Variants in ST7 observed in about 807,000 individuals in gnomAD.
The protein encoded by ST7 is suppression of tumorigenicity 7, also known as suppressor of tumorigenicity 7 protein.
A neutral mutation model predicts 78.7 loss-of-function variants in ST7; 28 were observed. The ratio of observed to expected loss-of-function variants is 0.36; its 90% CI spans 0.26 to 0.49. ST7 has a LOEUF of 0.49. Ranked by LOEUF, ST7 falls within the 20% of genes least tolerant of loss-of-function variation. The pLI, the probability that ST7 is intolerant of heterozygous loss-of-function variation, is 0.99. For synonymous variants in ST7, 247 were observed against 249.6 expected, an observed-to-expected ratio of 0.99 and a Z score of 0.10; for missense variants, 418 against 696.0, an observed-to-expected ratio of 0.60 and a Z score of 4.49.
At chr7:117,023,630 G>T (rs1309146591) in intron 1 of ST7, among the ~76,000 whole-genome samples, 1 of 152,124 alleles carries the variant, frequency 6.6e-6, no homozygotes, top group African/African-American at 2.4e-5. Context: ...TCTAAAAATG[G>T]GAGTAGCGTG....
At chr7:117,018,434 C>T (rs567495118) in intron 1 of ST7, among the ~76,000 whole-genome samples, 1 of 152,184 alleles carries the variant, frequency 6.6e-6, no homozygotes, top group East Asian at 1.9e-4. Context: ...TTAATTCCTG[C>T]AATTTTCTGT....
intron 1 of ST7, among the ~76,000 whole-genome samples, chr7:117,078,187 GAGA>G (rs1799494882): frequency 6.6e-6 from 1 of 152,206 alleles, no homozygotes; most frequent in African/African-American, 2.4e-5. Flanking sequence ...GAAGGACAGA[GAGA>G]AGAACTCATA....
intron 15 of ST7, among the ~76,000 whole-genome samples, chr7:117,227,134 T>A (rs1184316588): frequency 6.6e-6 from 1 of 152,144 alleles, no homozygotes; most frequent in African/African-American, 2.4e-5. Flanking sequence ...CCTTGTAACA[T>A]CTCCATTCAT....
intron 1 of ST7, among the ~76,000 whole-genome samples, chr7:117,049,542 A>G (rs968186985): frequency 2.0e-5 from 3 of 152,326 alleles, no homozygotes; most frequent in East Asian, 1.9e-4. Context: ...AAATCATACT[A>G]TAGTCCACAG....
chr7:116,997,853 G>C (rs2116423940), intron 1 of ST7, among the ~76,000 whole-genome samples: 1 of 152,382 alleles, frequency 6.6e-6, no homozygotes, highest in South Asian at 2.1e-4. Flanking sequence ...ACAGAGTGCT[G>C]ATTGGTGTAT....
chr7:117,119,473 T>A, intron 2 of ST7, 88 bp from the exon 3 acceptor site: 3 of 1,226,096 alleles, frequency 2.4e-6, no homozygotes, highest in Non-Finnish European at 3.3e-6. Flanking sequence ...TAAGGTGGAA[T>A]TAGTAAATGT....
chr7:116,966,835 A>G (rs1014873936), intron 1 of ST7, among the ~76,000 whole-genome samples: 10 of 152,310 alleles, frequency 6.6e-5, no homozygotes, highest in Middle Eastern at 3.4e-3. Context: ...GTCCTGGCAC[A>G]TTGCTTTCAC....
At chr7:117,092,159 G>T (rs917063081) in intron 1 of ST7, among the ~76,000 whole-genome samples, 1 of 151,814 alleles carries the variant, frequency 6.6e-6, no homozygotes, top group Middle Eastern at 3.4e-3. Context: ...GGTGCCTGTA[G>T]TCCCAGCTAC....
At chr7:117,102,150 G>A (rs1039701116) in intron 2 of ST7, among the ~76,000 whole-genome samples, 4 of 152,032 alleles carry the variant, frequency 2.6e-5, no homozygotes, top group Admixed American at 6.6e-5. Context: ...ACTTTTTAAC[G>A]TTAAAATTTT....
intron 10 of ST7, among the ~76,000 whole-genome samples, chr7:117,171,613 A>G (rs1807995671): frequency 6.6e-6 from 1 of 151,448 alleles, no homozygotes; most frequent in South Asian, 2.1e-4. Flanking sequence ...ATAAGCCGGC[A>G]CATCCTAGAT....
At chr7:117,064,464 A>G (rs1798526230) in intron 1 of ST7, among the ~76,000 whole-genome samples, 1 of 152,216 alleles carries the variant, frequency 6.6e-6, no homozygotes, top group Non-Finnish European at 1.5e-5. Context: ...TATTACAAAC[A>G]TCCTTCAGAA....
At chr7:117,029,971 G>A (rs1043366976) in intron 1 of ST7, among the ~76,000 whole-genome samples, 1 of 152,000 alleles carries the variant, frequency 6.6e-6, no homozygotes, top group African/African-American at 2.4e-5. Context: ...AGCCCTCCAA[G>A]TCTGTTCTTT....
intron 10 of ST7, among the ~76,000 whole-genome samples, chr7:117,178,257 T>A (rs1467907019): frequency 6.6e-6 from 1 of 152,184 alleles, no homozygotes; most frequent in Non-Finnish European, 1.5e-5. Flanking sequence ...TTTAGGTGCT[T>A]TAGATTCAGA....
chr7:117,221,316 AGCAGTCTTGACCTTCC>A (rs1249555619), intron 14 of ST7, among the ~76,000 whole-genome samples: 18 of 152,168 alleles, frequency 1.2e-4, no homozygotes, highest in Middle Eastern at 3.2e-3. Context: ...AGATAACCCT[AGCAGTCTTGACCTTCC>A]CTCCTTGCAG....
rs1167164283 is a variant in ST7, at chr7:117,190,791, G to GC, written c.1152-42dup. ...TAGATGCTTCCGGGTTGATGCCCAA[G>GC]CAGTGGTCCCACCTGGATGGTTTTT... On this transcript the variant is annotated intron_variant, in intron 11 of 15. Coordinates refer to ENST00000323984, the MANE Select transcript of ST7 (RefSeq NM_001369598.1). The surrounding 1 kb of genome is among the most constrained non-coding windows in gnomAD (Gnocchi z 5.2). The GC allele has an allele frequency of 3.9e-6, 6 of 1,539,482 alleles. No individual in the cohort carries two copies. The East Asian group carries it at 1.4e-4, about 35-fold the overall frequency.
chr7:117,082,098 C>T (rs1799826305), intron 1 of ST7, among the ~76,000 whole-genome samples: 1 of 152,174 alleles, frequency 6.6e-6, no homozygotes. Context: ...TGGATTGAAC[C>T]AGGCCCACCC....
At chr7:117,197,254 A>G (rs1289810444) in intron 12 of ST7, among the ~76,000 whole-genome samples, 3 of 152,184 alleles carry the variant, frequency 2.0e-5, no homozygotes, top group Admixed American at 6.5e-5. Context: ...GTTGTGCCTC[A>G]AGCAGTCCTT....
Position 117,222,044 on chromosome 7 carries a change from G to A in ST7, c.1620G>A (p.Met540Ile). ...ALLTHQFPEL[M>I]GVFAKAFLST... The stretch of plus-strand genomic sequence containing the variant: ...TGACACATCAGTTCCCGGAACTTAT[G>A]GGGGTCTTCGCAAAAGCTGTGAGTG... Residue 540 changes from methionine (M) to isoleucine (I), a missense_variant, in exon 15 of 16, where the codon ATG becomes ATA. Around this residue, in one of 4 missense-constraint regions of ST7, gnomAD observed 288 missense variants for 537.1 expected, o/e 0.54. Transcript: ENST00000323984. 1 of 1,610,978 alleles carries A rather than the reference G, an allele frequency of 6.2e-7. No individual in the cohort carries two copies. Among genetic ancestry groups the A allele is most frequent in the Non-Finnish European group, 8.5e-7 (1 of 1,178,900 alleles).
intron 1 of ST7, among the ~76,000 whole-genome samples, chr7:117,090,254 G>GAC (rs10537016): frequency 2.7e-3 from 401 of 148,916 alleles, no homozygotes; most frequent in African/African-American, 4.0e-3. Context: ...CACACACACA[G>GAC]ACACACACAC....
Sources: allele counts gnomAD v4.1 joint callset (sites outside exome capture counted in the v4.1 genomes callset), GRCh38; gene constraint gnomAD v4.1.1; regional missense constraint gnomAD v4.1.1; non-coding constraint Gnocchi (gnomAD v3.1); transcripts MANE v1.5; gene names NCBI Gene and HGNC (gene_info 2026-07-23, HGNC 2026-07-21).